The following SCHIP1 variants were observed in gnomAD, a reference collection of about 807,000 sequenced individuals.
The protein encoded by SCHIP1 is schwannomin-interacting protein 1.
SCHIP1 carries 8 observed loss-of-function variants against 29.7 expected under a neutral mutation model. The observed-to-expected ratio is 0.27, with a 90% CI of 0.16 to 0.49. The LOEUF is 0.49. Ranked by LOEUF, SCHIP1 falls within the 20% of genes least tolerant of loss-of-function variation. The pLI, the probability that SCHIP1 is intolerant of heterozygous loss-of-function variation, is 0.99. For missense variants in SCHIP1, 193 were observed against 294.6 expected, an observed-to-expected ratio of 0.66 and a Z score of 2.52; for synonymous variants, 76 against 94.9, an observed-to-expected ratio of 0.80 and a Z score of 1.16.
At chr3:159,814,877 G>A in the SCHIP1 span, among the ~76,000 whole-genome samples, 2 of 152,194 alleles carry the variant, frequency 1.3e-5, no homozygotes, top group East Asian at 3.8e-4. Flanking sequence ...CCTAATTTCA[G>A]GGGCTCTTCA....
In SCHIP1 at chr3:159,843,001, C is replaced by CTTTTTTTTT. The variant is rs566940351; in HGVS notation, c.30+2807_30+2815dup. Among the ~76,000 whole-genome samples, 336 of 63,696 alleles carry CTTTTTTTTT rather than the reference C, an allele frequency of 5.3e-3. 50 individuals are homozygous for CTTTTTTTTT. The highest frequency in any genetic ancestry group is 8.2e-3 in the Non-Finnish European group (247 of 30,142). 41.8% of individuals were successfully genotyped at this position (63,696 alleles called of 152,430 possible). Reference sequence around the variant, plus strand: ...TCCAGTTCTATCCCAATATTTCTTTCTTTTTTTTTTTTTTTTTTTTTTTTT... The same window carrying CTTTTTTTTT: ...TCCAGTTCTATCCCAATATTTCTTTCTTTTTTTTTTTTTTTTTTTTTTTTTTTTTTTTTT... On this transcript the variant is annotated intron_variant, in intron 1 of 6. Transcript: ENST00000445224.
chr3:159,520,158 TTA>T, the SCHIP1 span, among the ~76,000 whole-genome samples: 2 of 144,964 alleles, frequency 1.4e-5, no homozygotes, highest in African/African-American at 5.1e-5. Flanking sequence ...ACAGGTAAAA[TTA>T]TAACAAGGTG....
the SCHIP1 span, among the ~76,000 whole-genome samples, chr3:159,284,290 A>G: frequency 6.6e-6 from 1 of 152,168 alleles, no homozygotes; most frequent in East Asian, 1.9e-4. Flanking sequence ...AAGATATATA[A>G]GTGAATATCT....
the SCHIP1 span, among the ~76,000 whole-genome samples, chr3:159,293,357 C>T: frequency 6.6e-6 from 1 of 152,176 alleles, no homozygotes; most frequent in African/African-American, 2.4e-5. Flanking sequence ...AAGGGCTGGT[C>T]AGCGCAAGGA....
chr3:159,767,134 G>A, the SCHIP1 span, among the ~76,000 whole-genome samples: 25 of 152,188 alleles, frequency 1.6e-4, no homozygotes, highest in African/African-American at 4.8e-4. Context: ...GGTTAATGGT[G>A]GATTTTTTCA....
chr3:159,601,497 G>C, the SCHIP1 span, among the ~76,000 whole-genome samples: 2 of 152,154 alleles, frequency 1.3e-5, no homozygotes, highest in Non-Finnish European at 2.9e-5. Context: ...ACCCACCCTA[G>C]CCTTTGTTGG....
At chr3:159,337,089 G>A in the SCHIP1 span, among the ~76,000 whole-genome samples, 3 of 152,220 alleles carry the variant, frequency 2.0e-5, no homozygotes, top group African/African-American at 7.2e-5. Context: ...CAGAACCAAT[G>A]AAGAAAACCA....
the SCHIP1 span, among the ~76,000 whole-genome samples, chr3:159,659,312 G>A: frequency 1.3e-5 from 2 of 152,330 alleles, no homozygotes; most frequent in African/African-American, 4.8e-5. Flanking sequence ...TGAGGACAGA[G>A]ACCATGTCTG....
the SCHIP1 span, among the ~76,000 whole-genome samples, chr3:159,743,917 A>G: frequency 6.6e-6 from 1 of 152,226 alleles, no homozygotes; most frequent in Admixed American, 6.5e-5. Context: ...TAATTTAAAA[A>G]ATAACTAGTT....
intron 2 of SCHIP1, among the ~76,000 whole-genome samples, chr3:159,869,728 C>G (rs1577464244): frequency 6.6e-6 from 1 of 151,584 alleles, no homozygotes; most frequent in African/African-American, 2.4e-5. Context: ...ATAATATAAT[C>G]AAGTTCAACA....
At chr3:159,436,573 T>C in the SCHIP1 span, among the ~76,000 whole-genome samples, 1 of 152,180 alleles carries the variant, frequency 6.6e-6, no homozygotes, top group East Asian at 1.9e-4. Flanking sequence ...AAATAATTAA[T>C]TTTTGGCAAA....
the SCHIP1 span, among the ~76,000 whole-genome samples, chr3:159,798,473 C>T: frequency 6.6e-6 from 1 of 152,088 alleles, no homozygotes; most frequent in South Asian, 2.1e-4. Flanking sequence ...AACAGCCAAA[C>T]AAGGCCAGGC....
the SCHIP1 span, among the ~76,000 whole-genome samples, chr3:159,406,989 A>G: frequency 1.4e-3 from 208 of 152,296 alleles, no homozygotes; most frequent in Non-Finnish European, 1.5e-3. Context: ...GAAAGACCAC[A>G]AAACAACTAG....
At chr3:159,664,063 G>T in the SCHIP1 span, among the ~76,000 whole-genome samples, 1 of 152,094 alleles carries the variant, frequency 6.6e-6, no homozygotes, top group African/African-American at 2.4e-5. Flanking sequence ...TTTTTATTTG[G>T]TCCTTTTGAC....
intron 6 of SCHIP1, chr3:159,893,674 T>G (rs1157938584): frequency 5.9e-5 from 9 of 152,176 alleles, no homozygotes; most frequent in Admixed American, 3.3e-4. Context: ...TTGCAGTGTA[T>G]GTTTTTATAA....
chr3:159,403,810 A>G, the SCHIP1 span, among the ~76,000 whole-genome samples: 1 of 152,128 alleles, frequency 6.6e-6, no homozygotes, highest in African/African-American at 2.4e-5. Context: ...GACATGAGCC[A>G]AGGTGGCACC....
chr3:159,373,584 C>T, the SCHIP1 span, among the ~76,000 whole-genome samples: 71 of 152,138 alleles, frequency 4.7e-4, no homozygotes, highest in Non-Finnish European at 8.8e-4. Flanking sequence ...AATTCCCAGC[C>T]TCTGGTAATC....
At chr3:159,389,017 A>G in the SCHIP1 span, among the ~76,000 whole-genome samples, 5 of 152,156 alleles carry the variant, frequency 3.3e-5, no homozygotes, top group South Asian at 4.1e-4. Context: ...CCTGGACCCA[A>G]GAAGGAAAAT....
At chr3:159,823,124 G>C in the SCHIP1 span, among the ~76,000 whole-genome samples, 1 of 152,128 alleles carries the variant, frequency 6.6e-6, no homozygotes, top group East Asian at 1.9e-4. Context: ...AGGTGAATGA[G>C]GGATGACCTG....
Sources: gnomAD v4.1 joint callset for allele counts (sites outside exome capture counted in the v4.1 genomes callset) on GRCh38, gnomAD v4.1.1 for gene constraint, MANE v1.5 for transcripts, NCBI Gene and HGNC (gene_info 2026-07-23, HGNC 2026-07-21) for gene names.